Variants in SORCS2 observed in about 807,000 individuals in gnomAD.
The protein encoded by SORCS2 is VPS10 domain-containing receptor SorCS2.
SORCS2 carries 100 observed loss-of-function variants against 141.6 expected under a neutral mutation model. The ratio of observed to expected loss-of-function variants is 0.71; its 90% CI spans 0.60 to 0.83. The LOEUF (loss-of-function observed/expected upper bound fraction) is 0.83, where lower values mean the gene tolerates loss of function less well. Among genes scored for constraint, SORCS2 ranks in the 40% least tolerant of loss-of-function variants. SORCS2 has a pLI of 0.00. For missense variants in SORCS2, 1,646 were observed against 1,560.2 expected (o/e 1.05, Z -0.93); for synonymous variants, 789 against 676.9 (o/e 1.17, Z -2.57).
In SORCS2 at chr4:7,725,172, A is replaced by T. The variant is rs920330704; in HGVS notation, c.2630A>T (p.Tyr877Phe). Residue 877 changes from tyrosine (Y) to phenylalanine (F), a missense_variant, in exon 20 of 27, where the codon TAC becomes TTC. By Grantham distance (22) the Tyr-to-Phe change is conservative (BLOSUM62 3). Coordinates refer to ENST00000507866, the MANE Select transcript of SORCS2 (RefSeq NM_020777.3). ...CCCACAGCCCCCCTGCAGGCCCTCT[A>T]CCTGGAGGTGGTTCCTGTCATTGGC... ...VQVNSPLQAL[Y>F]LEVVPVIGLN... 3 of 1,613,400 alleles carry T rather than the reference A, an allele frequency of 1.9e-6. No homozygotes were observed. In the East Asian group the frequency reaches 6.7e-5, roughly 36 times the overall value.
rs55795035 is a variant in SORCS2, at chr4:7,263,004, A to G, written c.480+69878A>G. Among the ~76,000 whole-genome samples the G allele has an allele frequency of 7.0e-3, 1,064 of 152,204 alleles. 9 individuals are homozygous for G. The highest frequency in any genetic ancestry group is 0.024 in the African/African-American group (980 of 41,522). On this transcript the variant is annotated intron_variant, in intron 1 of 26. Coordinates refer to ENST00000507866, the MANE Select transcript of SORCS2 (RefSeq NM_020777.3). ...CAGTTTGGTCTCAGGGACTCATCCT[A>G]ACAGTTTATATGCCTGCCTTCTGCT... is the stretch of plus-strand genomic sequence containing the variant.
At chr4:7,696,721 A>G (rs1217274100) in intron 11 of SORCS2, among the ~76,000 whole-genome samples, 1 of 152,076 alleles carries the variant, frequency 6.6e-6, no homozygotes, top group Admixed American at 6.6e-5. Context: ...AGATAGTGAG[A>G]CCCTGGTGTG....
chr4:7,339,981 G>A (rs963495562), intron 1 of SORCS2, among the ~76,000 whole-genome samples: 3 of 152,200 alleles, frequency 2.0e-5, no homozygotes, highest in African/African-American at 7.2e-5. Context: ...ACCTTGAGGC[G>A]AGGAGAGGCT....
At position 7,712,807 on chromosome 4, in the gene SORCS2, A is replaced by C. The variant is rs971405910; in HGVS notation, c.1943A>C (p.Gln648Pro). The change falls in exon 15 of 27, where the codon CAG (glutamine) becomes CCG (proline). Residue 648 changes from glutamine to proline, a missense_variant. Gln to Pro is a moderately conservative substitution (Grantham distance 76). Transcript: ENST00000507866. The part of the protein sequence containing the change: ...KVDFRPSFSR[Q>P]CGEEDYSSWE... Reference sequence around the variant, plus strand: ...GACTTCCGGCCCTCATTCTCCAGGCAGTGCGGCGAGGAGGACTACAGCTCC... The same window carrying C: ...GACTTCCGGCCCTCATTCTCCAGGCCGTGCGGCGAGGAGGACTACAGCTCC... The C allele has an allele frequency of 6.2e-7, 1 of 1,613,984 alleles. No homozygotes were observed. The highest frequency in any genetic ancestry group is 1.7e-5 in the Admixed American group (1 of 60,016).
intron 1 of SORCS2, among the ~76,000 whole-genome samples, chr4:7,297,263 G>A (rs1197289085): frequency 1.3e-5 from 2 of 152,308 alleles, no homozygotes; most frequent in Admixed American, 1.3e-4. Flanking sequence ...CGTGCTCAGA[G>A]CCTGAGGGAG....
chr4:7,454,469 A>G (rs1577591118), intron 2 of SORCS2, among the ~76,000 whole-genome samples: 4 of 87,092 alleles, frequency 4.6e-5, no homozygotes, highest in Admixed American at 1.5e-4. Flanking sequence ...GCGCCACGTT[A>G]GGGTCAGGCA....
intron 1 of SORCS2, among the ~76,000 whole-genome samples, chr4:7,340,281 T>G (rs1425324828): frequency 1.3e-5 from 2 of 152,054 alleles, no homozygotes; most frequent in Non-Finnish European, 2.9e-5. Flanking sequence ...TGTGATGGAG[T>G]GTGGCCATGC....
intron 1 of SORCS2, among the ~76,000 whole-genome samples, chr4:7,377,846 T>A (rs1334602965): frequency 6.6e-6 from 1 of 152,178 alleles, no homozygotes; most frequent in Admixed American, 6.5e-5. Flanking sequence ...TATGTTTGGG[T>A]CCCAGCAGAA....
chr4:7,199,362 AG>A (rs1202512754), intron 1 of SORCS2, among the ~76,000 whole-genome samples: 4 of 151,878 alleles, frequency 2.6e-5, no homozygotes. Context: ...TCACCTGGGG[AG>A]GGGGTCACAT....
At chr4:7,318,686 C>A (rs2108938959) in intron 1 of SORCS2, among the ~76,000 whole-genome samples, 1 of 152,326 alleles carries the variant, frequency 6.6e-6, no homozygotes, top group Non-Finnish European at 1.5e-5. Flanking sequence ...GTTACCCACA[C>A]AGCCCCTTAT....
intron 2 of SORCS2, among the ~76,000 whole-genome samples, chr4:7,408,227 A>AT (rs1725096123): frequency 6.6e-6 from 1 of 151,760 alleles, no homozygotes; most frequent in Non-Finnish European, 1.5e-5. Context: ...TAGCGTTTTA[A>AT]TTTTTTTTCC....
chr4:7,530,548 CA>C (rs1395146698), intron 2 of SORCS2, among the ~76,000 whole-genome samples: 3 of 152,230 alleles, frequency 2.0e-5, no homozygotes, highest in African/African-American at 7.2e-5. Context: ...ATCGATAGAG[CA>C]GGGGTGAGAT....
In SORCS2 at chr4:7,663,404, T is replaced by C. The variant is rs900649335; in HGVS notation, c.953-949T>C. ...CCTGCCCCTGAGCTAGTCATTTCACTGCATCTCCAGCCAGGCAGCCCCACT... is the reference window on the plus strand; with the variant it reads ...CCTGCCCCTGAGCTAGTCATTTCACCGCATCTCCAGCCAGGCAGCCCCACT... On this transcript the variant is annotated intron_variant, in intron 6 of 26. Transcript: ENST00000507866. This position sits in a 1 kb window ranked among gnomAD's most constrained non-coding sequence, Gnocchi z 4.8. Among the ~76,000 whole-genome samples, 1 of 152,254 alleles carries C rather than the reference T, an allele frequency of 6.6e-6. No homozygotes were observed. The highest frequency in any genetic ancestry group is 6.5e-5 in the Admixed American group (1 of 15,290).
intron 2 of SORCS2, among the ~76,000 whole-genome samples, chr4:7,412,163 A>C (rs971757579): frequency 1.2e-4 from 18 of 152,198 alleles, no homozygotes; most frequent in Admixed American, 4.6e-4. Flanking sequence ...AGCTGCCCGG[A>C]GTGTGTCACG....
At chr4:7,434,237 A>T (rs748861306) in intron 2 of SORCS2, 1 of 1,613,536 alleles carries the variant, frequency 6.2e-7, no homozygotes, top group East Asian at 2.2e-5. Flanking sequence ...GGCCCCAAGG[A>T]CTCACACTGC....
chr4:7,390,982 T>G (rs758643874), intron 1 of SORCS2, among the ~76,000 whole-genome samples: 8 of 152,176 alleles, frequency 5.3e-5, no homozygotes, highest in Non-Finnish European at 1.2e-4. Flanking sequence ...GAGGAGGGGC[T>G]GAGCCTTGGG....
chr4:7,374,380 C>T (rs566811134), intron 1 of SORCS2, among the ~76,000 whole-genome samples: 5 of 152,184 alleles, frequency 3.3e-5, no homozygotes, highest in East Asian at 3.9e-4. Context: ...AAGCTGAGCT[C>T]GTACCAGCCC....
intron 1 of SORCS2, among the ~76,000 whole-genome samples, chr4:7,318,453 G>A (rs776003545): frequency 6.6e-5 from 10 of 152,168 alleles, no homozygotes; most frequent in Non-Finnish European, 1.2e-4. Context: ...CTAGGGCCTG[G>A]TGTCATTTTA....
chr4:7,224,790 C>T (rs774814301), intron 1 of SORCS2, among the ~76,000 whole-genome samples: 6 of 152,176 alleles, frequency 3.9e-5, no homozygotes, highest in Admixed American at 1.3e-4. Flanking sequence ...CCACTCCCTC[C>T]GATCCTTCCC....
Sources: gnomAD v4.1 joint callset for allele counts (sites outside exome capture counted in the v4.1 genomes callset) on GRCh38, gnomAD v4.1.1 for gene constraint, Gnocchi (gnomAD v3.1) non-coding constraint, MANE v1.5 for transcripts, NCBI Gene and HGNC (gene_info 2026-07-23, HGNC 2026-07-21) for gene names.